GALK2: variants seen among roughly 807,000 people sequenced by gnomAD.
GALK2 encodes N-acetylgalactosamine kinase.
Under a neutral mutation model 52.4 loss-of-function variants are expected in GALK2, and 36 were observed. The observed-to-expected ratio is 0.69, with a 90% CI of 0.53 to 0.91. The LOEUF (loss-of-function observed/expected upper bound fraction) is 0.91, where lower values mean the gene tolerates loss of function less well. GALK2 is among the 40% of genes least tolerant of loss of function. GALK2 has a pLI of 0.00. For synonymous variants in GALK2, 176 were observed against 199.1 expected, an observed-to-expected ratio of 0.88 and a Z score of 0.98; for missense variants, 579 against 559.1, an observed-to-expected ratio of 1.04 and a Z score of -0.36.
intron 1 of GALK2, chr15:49,170,631 T>C: frequency 2.1e-6 from 1 of 487,716 alleles, no homozygotes; most frequent in Non-Finnish European, 3.7e-6. Context: ...TTTCTTGTTG[T>C]AATTAGTGTA....
chr15:49,319,017 C>T (rs2036662707), intron 8 of GALK2: 1 of 435,196 alleles, frequency 2.3e-6, no homozygotes, highest in Non-Finnish European at 4.5e-6. Context: ...ACGGCGTGAT[C>T]TCAGCTCACT....
At chr15:49,272,966 CTG>C (rs2030964485) in intron 5 of GALK2, among the ~76,000 whole-genome samples, 1 of 152,202 alleles carries the variant, frequency 6.6e-6, no homozygotes, top group Non-Finnish European at 1.5e-5. Context: ...CACTGGAAGA[CTG>C]TGCTTCTGCC....
intron 5 of GALK2, among the ~76,000 whole-genome samples, chr15:49,243,517 G>T (rs1041331174): frequency 1.3e-5 from 2 of 152,034 alleles, no homozygotes; most frequent in South Asian, 4.1e-4. Context: ...CTTGTTAGAA[G>T]CCCATTTACA....
intron 5 of GALK2, among the ~76,000 whole-genome samples, chr15:49,253,985 T>G (rs1234625887): frequency 6.9e-6 from 1 of 144,090 alleles, no homozygotes; most frequent in African/African-American, 2.5e-5. Flanking sequence ...TTTTCAATCT[T>G]GAAGGACATA....
chr15:49,197,277 T>C (rs1225902636), intron 1 of GALK2, among the ~76,000 whole-genome samples: 1 of 152,244 alleles, frequency 6.6e-6, no homozygotes, highest in Non-Finnish European at 1.5e-5. Context: ...GTATTCAGCA[T>C]AATACATTCA....
At chr15:49,203,602 GA>G (rs1344294368) in intron 2 of GALK2, among the ~76,000 whole-genome samples, 1 of 152,064 alleles carries the variant, frequency 6.6e-6, no homozygotes, top group East Asian at 1.9e-4. Context: ...TCTTTGCCTA[GA>G]CCAATGTCTT....
intron 3 of GALK2, among the ~76,000 whole-genome samples, chr15:49,342,224 A>T (rs984359132): frequency 1.3e-5 from 2 of 152,166 alleles, no homozygotes; most frequent in African/African-American, 4.8e-5. Flanking sequence ...TGCTGGGTGC[A>T]TATATATTTA....
chr15:49,162,735 A>T (rs1160414384), intron 1 of GALK2, among the ~76,000 whole-genome samples: 1 of 152,222 alleles, frequency 6.6e-6, no homozygotes, highest in East Asian at 1.9e-4. Context: ...AGGACAACAC[A>T]ACAGGGAGCT....
chr15:49,270,178 A>C (rs187569098), intron 5 of GALK2, among the ~76,000 whole-genome samples: 1 of 152,252 alleles, frequency 6.6e-6, no homozygotes, highest in Non-Finnish European at 1.5e-5. Context: ...CAAAATATTC[A>C]GTAAGGTTAA....
chr15:49,236,144 A>G lies in GALK2; in HGVS notation c.357+203A>G, dbSNP rs539403787. 5.3e-5 allele frequency among the ~76,000 whole-genome samples: 8 copies of G among 152,338 alleles called. No individual in the cohort carries two copies. In the East Asian group the frequency reaches 7.7e-4, roughly 15 times the overall value. On this transcript the variant is annotated intron_variant, in intron 4 of 9. Transcript: ENST00000560031. Reference sequence around the variant, plus strand: ...CACAGGGGGCAGTAGTGGTTTTTATACAGCTGGCTGTTCATAAATAGGTGC... The same window carrying G: ...CACAGGGGGCAGTAGTGGTTTTTATGCAGCTGGCTGTTCATAAATAGGTGC...
chr15:49,347,754 C>T (rs1371475901), intron 3 of GALK2, among the ~76,000 whole-genome samples: 1 of 152,098 alleles, frequency 6.6e-6, no homozygotes, highest in Non-Finnish European at 1.5e-5. Context: ...CATGGTGGCT[C>T]ACGCCAGTAA....
At chr15:49,355,949 GA>G (rs1219273837) in intron 3 of GALK2, among the ~76,000 whole-genome samples, 4 of 151,322 alleles carry the variant, frequency 2.6e-5, no homozygotes, top group Admixed American at 6.6e-5. Flanking sequence ...CATTCTTAAA[GA>G]AAAGAATTTT....
At chr15:49,317,501 C>G (rs1468572824) in intron 8 of GALK2, among the ~76,000 whole-genome samples, 1 of 151,862 alleles carries the variant, frequency 6.6e-6, no homozygotes, top group Admixed American at 6.6e-5. Context: ...GACAGTGTGG[C>G]GATTCCTCAA....
downstream of GALK2, among the ~76,000 whole-genome samples, chr15:49,333,168 A>G (rs2039099464): frequency 6.6e-6 from 1 of 152,144 alleles, no homozygotes; most frequent in Non-Finnish European, 1.5e-5. Flanking sequence ...TTTTATTGAG[A>G]TATGTTACAT....
intron 3 of GALK2, among the ~76,000 whole-genome samples, chr15:49,340,382 T>TC (rs1596305583): frequency 6.7e-6 from 1 of 150,034 alleles, no homozygotes; most frequent in African/African-American, 2.5e-5. Flanking sequence ...CCCTTGTGCT[T>TC]CCTGGGTGAG....
chr15:49,324,010 T>A (rs2037120893), intron 9 of GALK2, among the ~76,000 whole-genome samples: 2 of 152,176 alleles, frequency 1.3e-5, no homozygotes, highest in East Asian at 3.8e-4. Flanking sequence ...TAAGTAGAAT[T>A]TACTGGAGAA....
chr15:49,360,322 A>G (rs1356830064), intron 3 of GALK2, among the ~76,000 whole-genome samples: 2 of 152,130 alleles, frequency 1.3e-5, no homozygotes, highest in African/African-American at 4.8e-5. Context: ...ATGACACTGC[A>G]TTGAGTTCAG....
intron 3 of GALK2, chr15:49,366,564 A>G: frequency 6.3e-7 from 1 of 1,595,108 alleles, no homozygotes; most frequent in African/African-American, 1.3e-5. Flanking sequence ...AGCATGCAGT[A>G]GTCCTTGGAT....
At chr15:49,340,907 T>G (rs2040622538) in intron 3 of GALK2, among the ~76,000 whole-genome samples, 1 of 152,226 alleles carries the variant, frequency 6.6e-6, no homozygotes, top group Non-Finnish European at 1.5e-5. Flanking sequence ...GTCTTACATT[T>G]AAATATTTAA....
Sources: allele counts gnomAD v4.1 joint callset (sites outside exome capture counted in the v4.1 genomes callset), GRCh38; gene constraint gnomAD v4.1.1; transcripts MANE v1.5; gene names NCBI Gene and HGNC (gene_info 2026-07-23, HGNC 2026-07-21).